The following RNF121 variants were observed in gnomAD, a reference collection of about 807,000 sequenced individuals.
RNF121 encodes E3 ubiquitin ligase RNF121.
A neutral mutation model predicts 46.5 loss-of-function variants in RNF121; 21 were observed. That is an observed-to-expected ratio of 0.45 (90% CI 0.32 to 0.65). The LOEUF is 0.65. Ranked by LOEUF, RNF121 falls within the 30% of genes least tolerant of loss-of-function variation. The probability of loss-of-function intolerance (pLI) is 0.04; values close to 1 mark genes in which losing one functional copy is unlikely to be tolerated. For synonymous variants in RNF121, 139 were observed against 144.7 expected (o/e 0.96, Z 0.28); for missense variants, 346 against 416.0 (o/e 0.83, Z 1.46).
chr11:71,940,709 T>C (rs1271286801), intron 1 of RNF121, among the ~76,000 whole-genome samples: 1 of 152,190 alleles, frequency 6.6e-6, no homozygotes, highest in East Asian at 1.9e-4. Flanking sequence ...TCTCACGAGA[T>C]TAATAGTCCT....
At chr11:71,949,367 G>A (rs1953807659) in intron 1 of RNF121, among the ~76,000 whole-genome samples, 2 of 152,180 alleles carry the variant, frequency 1.3e-5, no homozygotes, top group African/African-American at 4.8e-5. Flanking sequence ...GCAGTGATCT[G>A]TGATTGCACT....
intron 1 of RNF121, among the ~76,000 whole-genome samples, chr11:71,939,752 G>A (rs1386987334): frequency 6.6e-6 from 1 of 152,198 alleles, no homozygotes; most frequent in Non-Finnish European, 1.5e-5. Context: ...TATACACTAT[G>A]ACATGGATTC....
At chr11:71,933,962 C>A (rs1002636069) in intron 1 of RNF121, among the ~76,000 whole-genome samples, 6 of 152,162 alleles carry the variant, frequency 3.9e-5, no homozygotes, top group African/African-American at 1.4e-4. Flanking sequence ...TGGATGAAAT[C>A]GTCTCTAGCT....
intron 3 of RNF121, among the ~76,000 whole-genome samples, chr11:71,979,475 A>G (rs1306320789): frequency 2.0e-5 from 3 of 151,800 alleles, no homozygotes; most frequent in East Asian, 1.9e-4. Context: ...ATGTGACTTG[A>G]TATAGCTTTA....
intron 3 of RNF121, among the ~76,000 whole-genome samples, chr11:71,979,046 GCCTGGTAACT>G (rs1207717979): frequency 6.6e-6 from 1 of 152,166 alleles, no homozygotes; most frequent in Non-Finnish European, 1.5e-5. Context: ...CCTGCAGCTA[GCCTGGTAACT>G]CCTAGAGGAC....
intron 3 of RNF121, chr11:71,962,071 C>T (rs1483611322): frequency 6.6e-6 from 1 of 151,870 alleles, no homozygotes; most frequent in African/African-American, 2.4e-5. Context: ...GGGTTCACGC[C>T]ATTCTCCTGC....
At chr11:71,953,768 CA>C (rs1204866946) in intron 1 of RNF121, among the ~76,000 whole-genome samples, 1 of 152,154 alleles carries the variant, frequency 6.6e-6, no homozygotes, top group African/African-American at 2.4e-5. Context: ...ACAAAATGAG[CA>C]GCCTGCCTAC....
At chr11:71,980,939 T>C (rs1430450102) in intron 3 of RNF121, among the ~76,000 whole-genome samples, 1 of 152,250 alleles carries the variant, frequency 6.6e-6, no homozygotes, top group Non-Finnish European at 1.5e-5. Context: ...AATGAAAACC[T>C]GTTTCTTCTT....
At chr11:71,963,436 C>G (rs1159299408) in intron 3 of RNF121, among the ~76,000 whole-genome samples, 2 of 152,134 alleles carry the variant, frequency 1.3e-5, no homozygotes, top group African/African-American at 4.8e-5. Flanking sequence ...GCCTGGCCAA[C>G]ATGGTGAAAC....
chr11:71,979,913 T>TA (rs1954610809), intron 3 of RNF121, among the ~76,000 whole-genome samples: 1 of 152,222 alleles, frequency 6.6e-6, no homozygotes, highest in Non-Finnish European at 1.5e-5. Context: ...CATGAGCCTG[T>TA]TAAAGCGAAT....
intron 1 of RNF121, among the ~76,000 whole-genome samples, chr11:71,947,646 G>T (rs192195584): frequency 6.6e-6 from 1 of 152,174 alleles, no homozygotes; most frequent in African/African-American, 2.4e-5. Flanking sequence ...AAATAAGGTC[G>T]CTGGTTGGGC....
chr11:71,957,362 A>C (rs1051543717), intron 2 of RNF121, 98 bp downstream of exon 2: 2 of 815,948 alleles, frequency 2.5e-6, no homozygotes, highest in Non-Finnish European at 4.4e-6. Context: ...TGTCAGTAGG[A>C]GGCAGTGGCT....
At chr11:71,975,864 A>G (rs1008740553) in intron 3 of RNF121, among the ~76,000 whole-genome samples, 1 of 152,172 alleles carries the variant, frequency 6.6e-6, no homozygotes, top group Non-Finnish European at 1.5e-5. Flanking sequence ...ACAAAGGCAG[A>G]TTTTTCAGGT....
intron 3 of RNF121, among the ~76,000 whole-genome samples, chr11:71,968,187 G>A (rs1954331114): frequency 6.6e-6 from 1 of 151,962 alleles, no homozygotes; most frequent in Non-Finnish European, 1.5e-5. Context: ...AGCCTCCCAA[G>A]TAGCTGGGAT....
intron 2 of RNF121, among the ~76,000 whole-genome samples, chr11:71,958,045 G>A (rs1485023317): frequency 1.3e-5 from 2 of 152,208 alleles, no homozygotes; most frequent in Non-Finnish European, 2.9e-5. Context: ...GTATGAACCA[G>A]TTGTGTACCT....
chr11:71,981,118 G>A (rs780267503), intron 3 of RNF121, among the ~76,000 whole-genome samples: 5 of 150,710 alleles, frequency 3.3e-5, no homozygotes, highest in African/African-American at 9.8e-5. Context: ...GTGTGATCTC[G>A]GCTCCCTGCA....
intron 3 of RNF121, among the ~76,000 whole-genome samples, chr11:71,979,439 C>T (rs1432548542): frequency 1.3e-5 from 2 of 151,368 alleles, no homozygotes; most frequent in Non-Finnish European, 3.0e-5. Context: ...CTTTTTTTCT[C>T]ACACACAGTC....
chr11:71,988,472 G>A (rs1252350979), intron 5 of RNF121, among the ~76,000 whole-genome samples: 2 of 151,990 alleles, frequency 1.3e-5, no homozygotes, highest in Non-Finnish European at 2.9e-5. Flanking sequence ...TATATTGTAG[G>A]CAGGAGTCTC....
intron 1 of RNF121, among the ~76,000 whole-genome samples, chr11:71,942,060 G>C (rs1025313622): frequency 1.3e-5 from 2 of 151,600 alleles, no homozygotes; most frequent in Non-Finnish European, 2.9e-5. Flanking sequence ...AGCCTCCCGA[G>C]TAGCTGGGAC....
Sources: gnomAD v4.1 joint callset for allele counts (sites outside exome capture counted in the v4.1 genomes callset) on GRCh38, gnomAD v4.1.1 for gene constraint, MANE v1.5 for transcripts, NCBI Gene and HGNC (gene_info 2026-07-23, HGNC 2026-07-21) for gene names.